Variants in TUSC3 observed in about 807,000 individuals in gnomAD.
TUSC3 encodes dolichyl-diphosphooligosaccharide--protein glycosyltransferase subunit TUSC3.
Under a neutral mutation model 44.8 loss-of-function variants are expected in TUSC3, and 45 were observed. The observed-to-expected ratio is 1.00, with a 90% CI of 0.79 to 1.29. TUSC3 has a LOEUF of 1.29. Ranked by LOEUF, TUSC3 falls within the 50% of genes most tolerant of loss-of-function variation. The probability of loss-of-function intolerance (pLI) is 0.00; values close to 1 mark genes in which losing one functional copy is unlikely to be tolerated. For missense variants in TUSC3, 519 were observed against 437.9 expected (o/e 1.19, Z -1.65); for synonymous variants, 212 against 152.9 (o/e 1.39, Z -2.85).
At position 15,472,953 on chromosome 8, in the gene TUSC3, G is replaced by A. The variant is rs180893370; in HGVS notation, n.92-10433G>A. 1.6e-4 allele frequency among the ~76,000 whole-genome samples: 25 copies of A among 152,260 alleles called. No homozygotes were observed. In the East Asian group the frequency reaches 4.3e-3, roughly 26 times the overall value. Reference sequence around the variant, plus strand: ...TTACAGCTAAGTAAATAGACTCTCAGTGAGGTTATGCACCCTGCCTAAAGT... The same window carrying A: ...TTACAGCTAAGTAAATAGACTCTCAATGAGGTTATGCACCCTGCCTAAAGT... On this transcript the variant is annotated intron_variant and non_coding_transcript_variant, in intron 1 of 5. Coordinates refer to the TUSC3 transcript ENST00000503191.
intron 1 of TUSC3, among the ~76,000 whole-genome samples, chr8:15,442,643 C>T (rs1054656249): frequency 1.3e-5 from 2 of 152,138 alleles, no homozygotes; most frequent in African/African-American, 4.8e-5. Context: ...TCCACAGACA[C>T]CTCCCCCAAC....
chr8:15,536,701 AAAAAAAAAAAAAAAAAAAAAAAAG>A (rs1169936106), upstream of TUSC3, among the ~76,000 whole-genome samples: 1 of 85,952 alleles, frequency 1.2e-5, no homozygotes, highest in East Asian at 3.3e-4. Context: ...AAAAAAAAAA[AAAAAAAAAAAAAAAAAAAAAAAAG>A]AATGCAGGAA....
chr8:15,437,155 A>G (rs978196372), intron 1 of TUSC3, among the ~76,000 whole-genome samples: 10 of 152,166 alleles, frequency 6.6e-5, no homozygotes, highest in African/African-American at 2.4e-4. Flanking sequence ...ATAACTAATC[A>G]TGCACTAATC....
chr8:15,540,526 G>C lies in TUSC3; in HGVS notation c.96G>C (p.Leu32=). The change falls in exon 1 of 11, where the codon CTG becomes CTC. Residue 32 remains leucine, a synonymous_variant. Transcript: ENST00000503731. ...TGSFPFLLLL[L]LLCIQLGGGQ... ...GCTTTCCCTTCCTTCTCCTGCTGCT[G>C]CTGCTCTGCATCCAGCTCGGGGGAG... The C allele has an allele frequency of 6.2e-7, 1 of 1,605,964 alleles. No homozygotes were observed. The highest frequency in any genetic ancestry group is 1.1e-5 in the South Asian group (1 of 90,136).
chr8:15,470,258 CAAAA>C (rs75794739), intron 1 of TUSC3, among the ~76,000 whole-genome samples: 2 of 101,744 alleles, frequency 2.0e-5, no homozygotes, highest in East Asian at 2.8e-4. Flanking sequence ...GACCCTGTCT[CAAAA>C]AAAAAAAAAA....
At chr8:15,727,323 G>C (rs1461152401) in intron 6 of TUSC3, among the ~76,000 whole-genome samples, 1 of 152,136 alleles carries the variant, frequency 6.6e-6, no homozygotes, top group Admixed American at 6.5e-5. Flanking sequence ...TACTCTTATA[G>C]CTTTTGGTGT....
At chr8:15,796,676 C>T in the TUSC3 span, among the ~76,000 whole-genome samples, 5 of 152,204 alleles carry the variant, frequency 3.3e-5, 1 homozygote, top group Non-Finnish European at 7.3e-5. Flanking sequence ...GCAGCTTAGC[C>T]TCAGGTGACA....
intron 1 of TUSC3, among the ~76,000 whole-genome samples, chr8:15,549,476 G>T (rs1037140501): frequency 6.6e-6 from 1 of 151,644 alleles, no homozygotes; most frequent in Non-Finnish European, 1.5e-5. Context: ...TCGGCCTAAT[G>T]TACTTACTTA....
At chr8:15,421,751 G>T (rs998755292) in intron 1 of TUSC3, among the ~76,000 whole-genome samples, 1 of 152,084 alleles carries the variant, frequency 6.6e-6, no homozygotes, top group Non-Finnish European at 1.5e-5. Flanking sequence ...AGAAAATGAG[G>T]TCTCCACGTC....
chr8:15,818,864 G>A, the TUSC3 span, among the ~76,000 whole-genome samples: 20,887 of 152,158 alleles, frequency 0.14, 1,568 homozygotes, highest in East Asian at 0.25. Flanking sequence ...TAATGGTGAA[G>A]GCTGTATTGA....
chr8:15,444,840 C>T (rs1215420151), intron 1 of TUSC3, among the ~76,000 whole-genome samples: 1 of 152,276 alleles, frequency 6.6e-6, no homozygotes, highest in South Asian at 2.1e-4. Context: ...TTTCTTCTTT[C>T]CCTCATCTTT....
chr8:15,787,998 G>A, the TUSC3 span, among the ~76,000 whole-genome samples: 1 of 152,254 alleles, frequency 6.6e-6, no homozygotes, highest in South Asian at 2.1e-4. Context: ...TAATTCTGAA[G>A]AAGTACATAA....
At chr8:15,748,608 A>G (rs1228090362) in intron 9 of TUSC3, 143 bp downstream of exon 9, 8 of 787,620 alleles carry the variant, frequency 1.0e-5, no homozygotes, top group East Asian at 7.4e-5. Flanking sequence ...AGCACCTGCC[A>G]TGTGTTCAGC....
chr8:15,490,548 C>G (rs1015504817), intron 2 of TUSC3, among the ~76,000 whole-genome samples: 1 of 152,148 alleles, frequency 6.6e-6, no homozygotes, highest in Non-Finnish European at 1.5e-5. Flanking sequence ...TGAAGGAGAA[C>G]AGCAGAGAGG....
chr8:15,570,903 A>T (rs1802846144), intron 1 of TUSC3, among the ~76,000 whole-genome samples: 1 of 128,032 alleles, frequency 7.8e-6, no homozygotes, highest in African/African-American at 2.7e-5. Context: ...ATTTGATCTT[A>T]TATATATTAA....
intron 7 of TUSC3, among the ~76,000 whole-genome samples, chr8:15,735,538 A>G (rs1272731792): frequency 6.6e-6 from 1 of 152,208 alleles, no homozygotes; most frequent in African/African-American, 2.4e-5. Context: ...TAAAACTTTT[A>G]ACCCATTGTT....
chr8:15,629,570 T>TTC (rs1805666941), intron 2 of TUSC3, among the ~76,000 whole-genome samples: 1 of 142,482 alleles, frequency 7.0e-6, no homozygotes. Flanking sequence ...TTTTTTTTTT[T>TTC]CACGTGAATT....
In TUSC3 at chr8:15,630,445, T is replaced by G. The variant is rs542778802; in HGVS notation, c.308+7196T>G. 2.0e-5 allele frequency among the ~76,000 whole-genome samples: 3 copies of G among 146,824 alleles called. No individual in the cohort carries two copies. In the East Asian group the frequency reaches 5.8e-4, roughly 28 times the overall value. On this transcript the variant is annotated intron_variant, in intron 2 of 10. Transcript: ENST00000503731. ...TGGGGACGCTATGTTAAGTCCTTTA[T>G]ATATACAGTATATATATTATGTCAT...
At chr8:15,594,991 G>T (rs186188273) in intron 1 of TUSC3, among the ~76,000 whole-genome samples, 2 of 152,020 alleles carry the variant, frequency 1.3e-5, no homozygotes, top group African/African-American at 4.8e-5. Context: ...TTTATACTTC[G>T]GGGCAATATG....
Sources: allele counts gnomAD v4.1 joint callset (sites outside exome capture counted in the v4.1 genomes callset), GRCh38; gene constraint gnomAD v4.1.1; transcripts MANE v1.5; gene names NCBI Gene and HGNC (gene_info 2026-07-23, HGNC 2026-07-21).